Variants in BCAS1 observed in about 807,000 individuals in gnomAD.
BCAS1 encodes the protein breast carcinoma-amplified sequence 1.
BCAS1 carries 46 observed loss-of-function variants against 65.4 expected under a neutral mutation model. The ratio of observed to expected loss-of-function variants is 0.70; its 90% CI spans 0.55 to 0.90. The LOEUF (loss-of-function observed/expected upper bound fraction) is 0.90. Ranked by LOEUF, BCAS1 falls within the 40% of genes least tolerant of loss-of-function variation. The pLI is 0.00. For missense variants in BCAS1, 793 were observed against 771.2 expected (o/e 1.03, Z -0.33); for synonymous variants, 298 against 293.5 (o/e 1.02, Z -0.16).
chr20:54,012,395 G>A (rs1376710535), intron 4 of BCAS1, among the ~76,000 whole-genome samples: 2 of 151,476 alleles, frequency 1.3e-5, no homozygotes, highest in African/African-American at 2.4e-5. Context: ...GTTGAGTGAC[G>A]CTGGATAAAG....
intron 4 of BCAS1, among the ~76,000 whole-genome samples, chr20:54,009,952 T>C (rs1381239936): frequency 6.6e-6 from 1 of 152,152 alleles, no homozygotes; most frequent in Non-Finnish European, 1.5e-5. Context: ...TTATCCACAA[T>C]AGTGACAGAC....
chr20:53,960,872 A>T (rs2089858476), intron 10 of BCAS1, among the ~76,000 whole-genome samples: 1 of 152,234 alleles, frequency 6.6e-6, no homozygotes, highest in Non-Finnish European at 1.5e-5. Flanking sequence ...GTTACTGTTT[A>T]AAGAGACTAA....
Position 53,999,581 on chromosome 20 carries a change from C to G in BCAS1, c.724-3531G>C, listed in dbSNP as rs181600392. Among the ~76,000 whole-genome samples, 15 of 152,158 alleles carry G rather than the reference C, an allele frequency of 9.9e-5. No homozygotes were observed. The East Asian group carries it at 2.5e-3, about 25-fold the overall frequency. ...CCGTTTTTTTTTGTTTTATTTTCCCCCTGGGTCACTCTTTTGTAACCCCAG... is the reference window on the plus strand; with the variant it reads ...CCGTTTTTTTTTGTTTTATTTTCCCGCTGGGTCACTCTTTTGTAACCCCAG... On this transcript the variant is annotated intron_variant, in intron 4 of 12. Coordinates refer to ENST00000688948, the MANE Select transcript of BCAS1 (RefSeq NM_001366298.2).
At chr20:53,975,257 AAG>A (rs1441576081) in intron 9 of BCAS1, 130 bp downstream of exon 9, 7 of 701,996 alleles carry the variant, frequency 1.0e-5, no homozygotes, top group Non-Finnish European at 1.7e-5. Context: ...CATACGGGAT[AAG>A]AGAGTCTACA....
At chr20:53,953,313 GT>G (rs1350046682) in intron 12 of BCAS1, 118 bp downstream of exon 12, 1 of 1,294,486 alleles carries the variant, frequency 7.7e-7, no homozygotes, top group African/African-American at 1.5e-5. Flanking sequence ...AAAACCCTGA[GT>G]GATAGACCCG....
intron 8 of BCAS1, among the ~76,000 whole-genome samples, chr20:53,982,218 T>C (rs750786881): frequency 6.6e-6 from 1 of 152,170 alleles, no homozygotes. Flanking sequence ...CCAATCCTCT[T>C]ATTCAACAAA....
At chr20:53,979,826 C>T (rs2870300) in intron 8 of BCAS1, among the ~76,000 whole-genome samples, 52,764 of 151,880 alleles carry the variant, frequency 0.35, 10,086 homozygotes, top group African/African-American at 0.49. Flanking sequence ...ACAGTACCTG[C>T]ACATGGTATA....
At chr20:53,999,134 G>A (rs1243167663) in intron 4 of BCAS1, among the ~76,000 whole-genome samples, 1 of 152,206 alleles carries the variant, frequency 6.6e-6, no homozygotes, top group South Asian at 2.1e-4. Flanking sequence ...AAATCCAGGT[G>A]GTGGAAAACC....
intron 11 of BCAS1, among the ~76,000 whole-genome samples, chr20:53,954,563 T>C (rs922360746): frequency 1.3e-5 from 2 of 152,216 alleles, no homozygotes; most frequent in African/African-American, 4.8e-5. Context: ...GTTTTATTAG[T>C]TTGGAATGTA....
chr20:54,015,555 T>C (rs928084818), intron 4 of BCAS1, among the ~76,000 whole-genome samples: 1 of 151,822 alleles, frequency 6.6e-6, no homozygotes, highest in Admixed American at 6.6e-5. Context: ...AGCACAACCA[T>C]AGGAAATCCA....
rs1395859842 is a variant in BCAS1, at chr20:53,979,580, AGTG to A, written c.1276-4153_1276-4151del. Among the ~76,000 whole-genome samples the A allele has an allele frequency of 2.0e-5, 3 of 152,306 alleles. No individual in the cohort carries two copies. The East Asian group carries it at 5.8e-4, about 29-fold the overall frequency. The stretch of plus-strand genomic sequence containing the variant: ...TCGTGGGCTTGGGAGTCCCAACAGC[AGTG>A]ATGAGTGGGATAAATTGGCACGGAT... On this transcript the variant is annotated intron_variant, in intron 8 of 12. Coordinates refer to ENST00000688948, the MANE Select transcript of BCAS1 (RefSeq NM_001366298.2).
intron 3 of BCAS1, among the ~76,000 whole-genome samples, chr20:54,038,916 C>T (rs142484025): frequency 6.6e-6 from 1 of 151,162 alleles, no homozygotes; most frequent in African/African-American, 2.4e-5. Context: ...CACACATGAC[C>T]GTGGTTGGAC....
intron 3 of BCAS1, among the ~76,000 whole-genome samples, chr20:54,049,232 T>C (rs1480799135): frequency 6.6e-6 from 1 of 152,202 alleles, no homozygotes; most frequent in African/African-American, 2.4e-5. Flanking sequence ...AAAGCAAAAT[T>C]AGTCTATTCT....
chr20:53,953,263 G>A lies in BCAS1; in HGVS notation c.1815+169C>T, dbSNP rs114674688. Among the ~76,000 whole-genome samples, 989 of 152,288 alleles carry A rather than the reference G, an allele frequency of 6.5e-3. 11 individuals are homozygous for A. Among genetic ancestry groups the A allele is most frequent in the African/African-American group, 0.022 (927 of 41,562 alleles). On this transcript the variant is annotated intron_variant, in intron 12 of 12. Transcript: ENST00000688948. ...TGCTCAAGGTCTCAGCTTGTAAAAT[G>A]GAGAAGGATTGAACCTGCTGGAAGT...
At chr20:53,996,176 T>TGG in intron 4 of BCAS1, 126 bp from the exon 5 acceptor site, 1 of 932,596 alleles carries the variant, frequency 1.1e-6, no homozygotes, top group Non-Finnish European at 1.6e-6. Flanking sequence ...CCCACAGGCG[T>TGG]GCAGAACAAT....
At chr20:54,065,700 G>A (rs559318251) in intron 1 of BCAS1, among the ~76,000 whole-genome samples, 56 of 152,310 alleles carry the variant, frequency 3.7e-4, no homozygotes, top group African/African-American at 1.3e-3. Context: ...GAGTAAATTC[G>A]TCTGTGGTGG....
intron 9 of BCAS1, 89 bp from the exon 10 acceptor site, chr20:53,967,162 T>C: frequency 7.5e-7 from 1 of 1,342,140 alleles, no homozygotes; most frequent in South Asian, 1.3e-5. Context: ...GTTGCCCCCC[T>C]GTCCACATAG....
Position 54,028,409 on chromosome 20 carries a change from C to T in BCAS1, c.706G>A (p.Asp236Asn). 11 of 1,614,260 alleles carry T rather than the reference C, an allele frequency of 6.8e-6. No homozygotes were observed. The highest frequency in any genetic ancestry group is 9.3e-6 in the Non-Finnish European group (11 of 1,180,044). Residue 236 changes from aspartate (D) to asparagine (N), a missense_variant, in exon 4 of 13, where the codon GAT becomes AAT. Physicochemically the swap from Asp to Asn is conservative, Grantham distance 23. Transcript: ENST00000688948. ...ACACTTACCTTCCCTGCAGGGACAT[C>T]ATCGGACTGCCCTGATAAGCCAGGA... ...EVPGLSGQSD[D>N]VPAGKDIVDG...
intron 3 of BCAS1, among the ~76,000 whole-genome samples, chr20:54,039,575 T>C (rs1213116340): frequency 2.0e-5 from 3 of 151,444 alleles, no homozygotes; most frequent in East Asian, 1.9e-4. Context: ...TTTCCTGTCA[T>C]TCATGTGCTA....
Sources: allele counts gnomAD v4.1 joint callset (sites outside exome capture counted in the v4.1 genomes callset), GRCh38; gene constraint gnomAD v4.1.1; transcripts MANE v1.5; gene names NCBI Gene and HGNC (gene_info 2026-07-23, HGNC 2026-07-21).